The following SLC22A14 variants were observed in gnomAD, a reference collection of about 807,000 sequenced individuals.
SLC22A14 encodes solute carrier family 22 member 14, also known as organic cation transporter-like 4.
In SLC22A14, 50 loss-of-function variants were observed where a neutral mutation model predicts 53.9. The ratio of observed to expected loss-of-function variants is 0.93; its 90% CI spans 0.74 to 1.17. SLC22A14 has a LOEUF of 1.17. SLC22A14 is among the 50% of genes most tolerant of loss of function. The probability of loss-of-function intolerance (pLI) is 0.00; values close to 1 mark genes in which losing one functional copy is unlikely to be tolerated. For missense variants in SLC22A14, 671 were observed against 734.7 expected, an observed-to-expected ratio of 0.91 and a Z score of 1.00; for synonymous variants, 312 against 303.0, an observed-to-expected ratio of 1.03 and a Z score of -0.31.
At position 38,318,511 on chromosome 3, in the gene SLC22A14, T is replaced by A. The variant is rs1308753917; in HGVS notation, c.*262T>A. On this transcript the variant is annotated 3_prime_UTR_variant, in exon 11 of 11. Transcript: ENST00000448498. Reference sequence around the variant, plus strand: ...GGCCAGCCCTTGACATTAAAAAAAATGCCCCCTCCTTCTGCAGGAGCTCTG... The same window carrying A: ...GGCCAGCCCTTGACATTAAAAAAAAAGCCCCCTCCTTCTGCAGGAGCTCTG... The A allele has an allele frequency of 3.2e-5, 12 of 378,728 alleles. No individual in the cohort carries two copies. Among genetic ancestry groups the A allele is most frequent in the Non-Finnish European group, 4.9e-5 (10 of 205,244 alleles). The allele number at this position is 378,728 out of a possible 1,614,324, so 23.5% of individuals were successfully genotyped here. A position where few individuals can be genotyped will look rare whatever the true frequency, so the allele number is the denominator to read the frequency against.
Position 38,316,304 on chromosome 3 carries a change from G to C in SLC22A14, c.1533-20G>C, listed in dbSNP as rs748071885. 1.2e-5 allele frequency: 20 copies of C among 1,612,962 alleles called. No homozygotes were observed. Among genetic ancestry groups the C allele is most frequent in the Non-Finnish European group, 1.6e-5 (19 of 1,179,272 alleles). Reference sequence around the variant, plus strand: ...TGAACCCGGCAGACCCCTCACAGGAGCTCTCACCTCCACTTTCAGGGCGAC... The same window carrying C: ...TGAACCCGGCAGACCCCTCACAGGACCTCTCACCTCCACTTTCAGGGCGAC... On this transcript the variant is annotated intron_variant, in intron 9 of 10. Transcript: ENST00000448498.
intron 10 of SLC22A14, among the ~76,000 whole-genome samples, chr3:38,317,333 A>G (rs753112278): frequency 6.6e-6 from 1 of 152,110 alleles, no homozygotes; most frequent in Non-Finnish European, 1.5e-5. Context: ...GTCAAAGGTC[A>G]GAGGTCAGCA....
At chr3:38,312,949 G>T in intron 5 of SLC22A14, 50 bp from the exon 6 acceptor site, 2 of 1,561,580 alleles carry the variant, frequency 1.3e-6, no homozygotes, top group Non-Finnish European at 1.7e-6. Flanking sequence ...CCAGCAGGGG[G>T]TCTCTGGGCA....
At chr3:38,281,908 G>A (rs1703677241), upstream of SLC22A14, among the ~76,000 whole-genome samples, 1 of 152,224 alleles carries the variant, frequency 6.6e-6, no homozygotes, top group African/African-American at 2.4e-5. Flanking sequence ...AGCTTATGGG[G>A]GAGATGGGTC....
intron 9 of SLC22A14, 71 bp from the exon 10 acceptor site, chr3:38,316,253 T>G: frequency 7.3e-7 from 1 of 1,367,542 alleles, no homozygotes; most frequent in Non-Finnish European, 1.0e-6. Flanking sequence ...TGGGTTTTCA[T>G]GTAGCTGCTG....
At chr3:38,280,929 C>T (rs1013450066), upstream of SLC22A14, among the ~76,000 whole-genome samples, 52 of 152,166 alleles carry the variant, frequency 3.4e-4, no homozygotes, top group Non-Finnish European at 7.3e-5. Flanking sequence ...CATGCCCAGC[C>T]GAGTTCTGGG....
rs1368820316 is a variant in SLC22A14 at position 38,307,211 on chromosome 3, C to CA, written c.517-40dup. 1 of 1,425,166 alleles carries CA rather than the reference C, an allele frequency of 7.0e-7. No homozygotes were observed. The highest frequency in any genetic ancestry group is 1.4e-5 in the African/African-American group (1 of 71,156). 88.3% of individuals were successfully genotyped at this position (1,425,166 alleles called of 1,614,324 possible). Reference sequence around the variant, plus strand: ...TGGGATGAGTCTCAGTCTCTGGACCCAAAGGTGGGCACCCGTGGCCAATCT... The same window carrying CA: ...TGGGATGAGTCTCAGTCTCTGGACCCAAAAGGTGGGCACCCGTGGCCAATCT... On this transcript the variant is annotated intron_variant, in intron 2 of 10. Transcript: ENST00000448498. The surrounding 1 kb of genome is among the most constrained non-coding windows in gnomAD (Gnocchi z 4.4).
chr3:38,283,344 G>A lies in SLC22A14; in HGVS notation c.-1+1005G>A, dbSNP rs369579171. On this transcript the variant is annotated intron_variant, in intron 1 of 10. Transcript: ENST00000448498. ...TTAGGCATAGATCTCTCCGGGGGGC[G>A]CTTATGCAGCCTCCCCCACCTCCCA... Among the ~76,000 whole-genome samples the A allele has an allele frequency of 1.8e-4, 28 of 152,208 alleles. No homozygotes were observed. In the South Asian group the frequency reaches 4.4e-3, roughly 24 times the overall value.
Position 38,312,982 on chromosome 3 carries a change from A to G in SLC22A14, c.945-17A>G, listed in dbSNP as rs1295451285. ...GCATCATAGAACGGTGAGATAAGAG[A>G]GGGGCTGGCCACGCAGGATTCTCCC... On this transcript the variant is annotated splice_polypyrimidine_tract_variant and intron_variant, in intron 5 of 10. Transcript: ENST00000448498. 2 of 1,572,578 alleles carry G rather than the reference A, an allele frequency of 1.3e-6. No individual in the cohort carries two copies. Among genetic ancestry groups the G allele is most frequent in the East Asian group, 2.3e-5 (1 of 43,534 alleles).
At chr3:38,300,935 A>G (rs1287644215) in intron 1 of SLC22A14, among the ~76,000 whole-genome samples, 1 of 152,170 alleles carries the variant, frequency 6.6e-6, no homozygotes, top group East Asian at 1.9e-4. Flanking sequence ...TCAACCACCC[A>G]GGGCGCTAGG....
rs36097881 is a variant in SLC22A14 at position 38,286,725 on chromosome 3, G to GTT, written c.-1+4395_-1+4396dup. On this transcript the variant is annotated intron_variant, in intron 1 of 10. Transcript: ENST00000448498. ...CCGTGCCTGGCCCTGATTTGTGTGG[G>GTT]TTTTTTTTTTGTTTGTTTGTTTTTG... Among the ~76,000 whole-genome samples, 1,305 of 137,648 alleles carry GTT rather than the reference G, an allele frequency of 9.5e-3. 13 individuals are homozygous for GTT. Among genetic ancestry groups the GTT allele is most frequent in the African/African-American group, 0.034 (1,253 of 37,042 alleles). 90.3% of individuals were successfully genotyped at this position (137,648 alleles called of 152,430 possible). A position where few individuals can be genotyped will look rare whatever the true frequency, so the allele number is the denominator to read the frequency against.
chr3:38,302,961 C>G (rs1233994287), intron 1 of SLC22A14, among the ~76,000 whole-genome samples: 1 of 151,978 alleles, frequency 6.6e-6, no homozygotes, highest in African/African-American at 2.4e-5. Flanking sequence ...ATTCTTAAAT[C>G]TGTTTTGAGT....
At chr3:38,314,297 A>G (rs1313453897) in intron 8 of SLC22A14, among the ~76,000 whole-genome samples, 1 of 152,240 alleles carries the variant, frequency 6.6e-6, no homozygotes, top group Non-Finnish European at 1.5e-5. Context: ...ACTGCTGCCC[A>G]GGCCCACCTG....
Position 38,318,563 on chromosome 3 carries a change from A to G in SLC22A14, c.*314A>G. 3.4e-6 allele frequency: 1 copy of G among 291,046 alleles called. No homozygotes were observed. The highest frequency in any genetic ancestry group is 6.8e-5 in the East Asian group (1 of 14,814). The allele number at this position is 291,046 out of a possible 1,614,324, so 18.0% of individuals were successfully genotyped here. The stretch of plus-strand genomic sequence containing the variant: ...TGTGATTCATTCCAATAAAGGTACA[A>G]TGTTGGTCTTGAGATGGCTGGGTCA... On this transcript the variant is annotated 3_prime_UTR_variant, in exon 11 of 11. Coordinates refer to ENST00000448498, the MANE Select transcript of SLC22A14 (RefSeq NM_001320033.2).
intron 5 of SLC22A14, among the ~76,000 whole-genome samples, 189 bp downstream of exon 5, chr3:38,309,311 C>T (rs760535507): frequency 2.6e-5 from 4 of 152,080 alleles, no homozygotes; most frequent in Non-Finnish European, 1.5e-5. Context: ...CCTCCCCGAC[C>T]CAGAGAAGAC....
intron 1 of SLC22A14, among the ~76,000 whole-genome samples, chr3:38,302,386 A>G (rs1292344170): frequency 6.6e-6 from 1 of 150,596 alleles, no homozygotes; most frequent in Non-Finnish European, 1.5e-5. Context: ...TCTGGTTAAA[A>G]CTGTTTTTAA....
At chr3:38,298,648 TG>T (rs1342378890) in intron 1 of SLC22A14, among the ~76,000 whole-genome samples, 2 of 152,082 alleles carry the variant, frequency 1.3e-5, no homozygotes, top group Admixed American at 1.3e-4. Context: ...CTCTGCCTCC[TG>T]GGTTCAAGCA....
intron 1 of SLC22A14, among the ~76,000 whole-genome samples, chr3:38,297,021 A>C (rs1036551118): frequency 4.6e-5 from 7 of 152,132 alleles, no homozygotes; most frequent in Non-Finnish European, 8.8e-5. Context: ...GATTTAATAG[A>C]GTGAAAACAG....
rs369606081 is a variant in SLC22A14, at chr3:38,309,040, G to C, written c.862G>C (p.Gly288Arg). ...CGCTGTTGGGGCCGTGTTGCTGACA[G>C]GGATCGCCTACAGTCTTCCCCACTG... is the stretch of plus-strand genomic sequence containing the variant. Reference protein sequence around the residue: ...FFAVGAVLLTGIAYSLPHWQL... With the variant: ...FFAVGAVLLTRIAYSLPHWQL... The change falls in exon 5 of 11, where the codon GGG (glycine) becomes CGG (arginine). Residue 288 changes from glycine to arginine, a missense_variant. Gly to Arg is a moderately radical substitution (Grantham distance 125). Coordinates refer to ENST00000448498, the MANE Select transcript of SLC22A14 (RefSeq NM_001320033.2). The C allele has an allele frequency of 6.2e-7, 1 of 1,614,102 alleles. No homozygotes were observed. The highest frequency in any genetic ancestry group is 1.7e-5 in the Admixed American group (1 of 60,022).
Sources: gnomAD v4.1 joint callset for allele counts (sites outside exome capture counted in the v4.1 genomes callset) on GRCh38, gnomAD v4.1.1 for gene constraint, Gnocchi (gnomAD v3.1) non-coding constraint, MANE v1.5 for transcripts, NCBI Gene and HGNC (gene_info 2026-07-23, HGNC 2026-07-21) for gene names.